Variants in OSBPL1A observed in about 807,000 individuals in gnomAD.
OSBPL1A encodes oxysterol binding protein like 1A.
Under a neutral mutation model 137.1 loss-of-function variants are expected in OSBPL1A, and 80 were observed. The ratio of observed to expected loss-of-function variants is 0.58; its 90% CI spans 0.49 to 0.70. The LOEUF (loss-of-function observed/expected upper bound fraction) is 0.70. Among genes scored for constraint, OSBPL1A ranks in the 30% least tolerant of loss-of-function variants. The pLI is 0.00. For synonymous variants in OSBPL1A, 365 were observed against 389.7 expected (o/e 0.94, Z 0.75); for missense variants, 970 against 1,129.4 (o/e 0.86, Z 2.02).
At chr18:24,340,165 G>A (rs144591790) in intron 5 of OSBPL1A, among the ~76,000 whole-genome samples, 69 of 152,184 alleles carry the variant, frequency 4.5e-4, no homozygotes, top group African/African-American at 1.5e-3. Flanking sequence ...ATAATTATAG[G>A]AAAGCCCTGG....
In OSBPL1A at chr18:24,271,256, G is replaced by T. The variant is rs2089710802; in HGVS notation, c.1281+9586C>A. ...CAGCCATGCGAAAAATCACTAACTT[G>T]GAAGGTTATTTAGGACAATAATGTC... On this transcript the variant is annotated intron_variant, in intron 15 of 27. Transcript: ENST00000319481. This position sits in a 1 kb window ranked among gnomAD's most constrained non-coding sequence, Gnocchi z 4.0. 6.6e-6 allele frequency among the ~76,000 whole-genome samples: 1 copy of T among 152,152 alleles called. No homozygotes were observed. Among genetic ancestry groups the T allele is most frequent in the African/African-American group, 2.4e-5 (1 of 41,422 alleles).
chr18:24,307,209 G>A (rs964744615), intron 13 of OSBPL1A, among the ~76,000 whole-genome samples: 1 of 152,196 alleles, frequency 6.6e-6, no homozygotes, highest in Admixed American at 6.5e-5. Flanking sequence ...CTTGACCCCA[G>A]GTGGTCAATG....
chr18:24,311,101 G>A (rs184850775), intron 13 of OSBPL1A, among the ~76,000 whole-genome samples: 1 of 151,848 alleles, frequency 6.6e-6, no homozygotes, highest in African/African-American at 2.4e-5. Context: ...ATTCTTTAAT[G>A]TTCCATCATA....
intron 17 of OSBPL1A, among the ~76,000 whole-genome samples, chr18:24,198,777 G>C (rs970473740): frequency 6.6e-6 from 1 of 152,066 alleles, no homozygotes; most frequent in African/African-American, 2.4e-5. Flanking sequence ...CTGCCACAAT[G>C]GGGCAGCAGG....
At chr18:24,306,543 C>G (rs1047782369) in intron 13 of OSBPL1A, among the ~76,000 whole-genome samples, 1 of 152,152 alleles carries the variant, frequency 6.6e-6, no homozygotes, top group Non-Finnish European at 1.5e-5. Flanking sequence ...AGAGCACATA[C>G]TGTATGATTC....
intron 5 of OSBPL1A, among the ~76,000 whole-genome samples, chr18:24,337,638 A>G (rs1043997650): frequency 6.6e-6 from 1 of 151,516 alleles, no homozygotes; most frequent in Non-Finnish European, 1.5e-5. Context: ...AAAGGAGATG[A>G]AAGGGATGAT....
chr18:24,304,576 C>T (rs1297093749), intron 13 of OSBPL1A, among the ~76,000 whole-genome samples: 9 of 152,092 alleles, frequency 5.9e-5, no homozygotes, highest in South Asian at 2.1e-4. Context: ...TATAAACAAT[C>T]GAATCACATT....
chr18:24,231,082 AAAAACATTAAG>A (rs2088262051), intron 16 of OSBPL1A, among the ~76,000 whole-genome samples: 1 of 152,182 alleles, frequency 6.6e-6, no homozygotes, highest in African/African-American at 2.4e-5. Flanking sequence ...CCTGTCTCTC[AAAAACATTAAG>A]AAGTGTCAGA....
intron 16 of OSBPL1A, among the ~76,000 whole-genome samples, chr18:24,233,945 G>A (rs1428965429): frequency 6.6e-6 from 1 of 152,088 alleles, no homozygotes; most frequent in African/African-American, 2.4e-5. Flanking sequence ...GAGCCTCTGC[G>A]GGGTCCTATT....
At chr18:24,286,092 G>A (rs2090062192) in intron 14 of OSBPL1A, among the ~76,000 whole-genome samples, 1 of 152,188 alleles carries the variant, frequency 6.6e-6, no homozygotes, top group African/African-American at 2.4e-5. Flanking sequence ...AGGAGGCAGA[G>A]GCTGCAGTGA....
At chr18:24,334,831 G>A (rs1263190266) in intron 5 of OSBPL1A, among the ~76,000 whole-genome samples, 2 of 152,164 alleles carry the variant, frequency 1.3e-5, no homozygotes, top group Non-Finnish European at 2.9e-5. Flanking sequence ...CTTTAGCCAG[G>A]ATGACCTGAA....
At chr18:24,211,289 A>G (rs2087534713) in intron 17 of OSBPL1A, among the ~76,000 whole-genome samples, 1 of 152,182 alleles carries the variant, frequency 6.6e-6, no homozygotes, top group Admixed American at 6.6e-5. Context: ...TTTTATAGAA[A>G]AAGACTGTAT....
At chr18:24,295,446 C>T (rs2090271826) in intron 14 of OSBPL1A, among the ~76,000 whole-genome samples, 2 of 152,000 alleles carry the variant, frequency 1.3e-5, no homozygotes, top group African/African-American at 4.8e-5. Flanking sequence ...TTTTGTTGTA[C>T]TTGCTGTTGG....
intron 16 of OSBPL1A, among the ~76,000 whole-genome samples, chr18:24,230,365 A>C: frequency 6.6e-6 from 1 of 152,216 alleles, no homozygotes; most frequent in East Asian, 1.9e-4. Context: ...AAAGGTTCTT[A>C]ATCCCACTGC....
Position 24,328,218 on chromosome 18 carries a change from A to ATTTTTTTTTTT in OSBPL1A, c.625+4713_625+4723dup, listed in dbSNP as rs564798076. Among the ~76,000 whole-genome samples, 18 of 48,604 alleles carry ATTTTTTTTTTT rather than the reference A, an allele frequency of 3.7e-4. 1 individual carries two copies. Among genetic ancestry groups the ATTTTTTTTTTT allele is most frequent in the Non-Finnish European group, 5.2e-4 (14 of 26,770 alleles). 31.9% of individuals were successfully genotyped at this position (48,604 alleles called of 152,430 possible). On this transcript the variant is annotated intron_variant, in intron 7 of 27. Coordinates refer to ENST00000319481, the MANE Select transcript of OSBPL1A (RefSeq NM_080597.4). ...CCACCACGCCCGGCTAATTTTTTGT[A>ATTTTTTTTTTT]TTTTTTTTTTTTTTTTTTTTTTTTT...
chr18:24,328,753 T>C (rs2091024112), intron 7 of OSBPL1A, among the ~76,000 whole-genome samples: 3 of 152,172 alleles, frequency 2.0e-5, no homozygotes, highest in Admixed American at 2.0e-4. Context: ...CAAATGTGGC[T>C]AGTCCATACT....
intron 15 of OSBPL1A, among the ~76,000 whole-genome samples, chr18:24,269,851 A>AACACACAC (rs147895357): frequency 0.073 from 10,165 of 139,970 alleles, 407 homozygotes; most frequent in African/African-American, 0.086. Context: ...TGACAAGCCT[A>AACACACAC]ACACACACAC....
At chr18:24,185,364 G>C (rs1179445475) in intron 18 of OSBPL1A, among the ~76,000 whole-genome samples, 2 of 143,782 alleles carry the variant, frequency 1.4e-5, no homozygotes, top group Non-Finnish European at 3.0e-5. Context: ...GTCTCGCCCT[G>C]TGGCCCAGGC....
At chr18:24,171,343 T>A (rs2086280983) in intron 23 of OSBPL1A, 66 bp downstream of exon 23, 3 of 1,293,936 alleles carry the variant, frequency 2.3e-6, no homozygotes, top group Non-Finnish European at 3.3e-6. Flanking sequence ...ACAATGTATT[T>A]TAATACCGAC....
Sources: gnomAD v4.1 joint callset for allele counts (sites outside exome capture counted in the v4.1 genomes callset) on GRCh38, gnomAD v4.1.1 for gene constraint, Gnocchi (gnomAD v3.1) non-coding constraint, MANE v1.5 for transcripts, NCBI Gene and HGNC (gene_info 2026-07-23, HGNC 2026-07-21) for gene names.